Variants in ASTN1 observed in about 807,000 individuals in gnomAD.
The protein encoded by ASTN1 is astrotactin-1.
A neutral mutation model predicts 140.7 loss-of-function variants in ASTN1; 41 were observed. That is an observed-to-expected ratio of 0.29 (90% CI 0.23 to 0.38). The LOEUF is 0.38. Ranked by LOEUF, ASTN1 falls within the 10% of genes least tolerant of loss-of-function variation. The pLI is 1.00. For missense variants in ASTN1, 1,479 were observed against 1,678.8 expected (o/e 0.88, Z 2.08); for synonymous variants, 640 against 652.2 (o/e 0.98, Z 0.29).
chr1:176,866,208 G>A (rs899530869), intron 22 of ASTN1, among the ~76,000 whole-genome samples: 13 of 152,196 alleles, frequency 8.5e-5, no homozygotes, highest in African/African-American at 3.1e-4. Context: ...GCTGGGAGAA[G>A]GGCAGAGATT....
intron 8 of ASTN1, among the ~76,000 whole-genome samples, chr1:176,994,138 T>C (rs1674326776): frequency 7.5e-6 from 1 of 134,112 alleles, no homozygotes; most frequent in African/African-American, 2.8e-5. Context: ...ACTAAGAGAC[T>C]GGAAAGAAAA....
chr1:177,032,607 G>T lies in ASTN1; in HGVS notation c.714C>A (p.Ile238=). 1.2e-6 allele frequency: 2 copies of T among 1,614,194 alleles called. No individual in the cohort carries two copies. Among genetic ancestry groups the T allele is most frequent in the Non-Finnish European group, 1.7e-6 (2 of 1,180,028 alleles). ...SGTLSIRETP[I]LDGYEYDITD... ...TGATGTCATACTCATAGCCGTCCAG[G>T]ATAGGTGTCTCCCGGATGCTCAGGG... The change falls in exon 3 of 23, where the codon ATC becomes ATA. Residue 238 remains isoleucine, a synonymous_variant. Coordinates refer to ENST00000361833, the MANE Select transcript of ASTN1 (RefSeq NM_004319.3).
intron 1 of ASTN1, among the ~76,000 whole-genome samples, chr1:177,072,947 A>G (rs1235865089): frequency 6.6e-6 from 1 of 152,130 alleles, no homozygotes; most frequent in Non-Finnish European, 1.5e-5. Context: ...GTTTTGCAAA[A>G]TGAAAAAAAA....
Position 176,984,039 on chromosome 1 carries a change from G to A in ASTN1, c.1524-18802C>T, listed in dbSNP as rs138745672. Among the ~76,000 whole-genome samples, 581 of 152,294 alleles carry A rather than the reference G, an allele frequency of 3.8e-3. 5 individuals carry two copies. The highest frequency in any genetic ancestry group is 0.014 in the Middle Eastern group (4 of 294). ...AGCCGACTGCAAGAGGAGACTTCAG[G>A]AAGTCCAGTGATTGTAACAGCCCAG... is the stretch of plus-strand genomic sequence containing the variant. On this transcript the variant is annotated intron_variant, in intron 8 of 22. Coordinates refer to ENST00000361833, the MANE Select transcript of ASTN1 (RefSeq NM_004319.3).
At chr1:176,935,034 C>G (rs1414657631) in intron 15 of ASTN1, among the ~76,000 whole-genome samples, 1 of 152,178 alleles carries the variant, frequency 6.6e-6, no homozygotes, top group African/African-American at 2.4e-5. Flanking sequence ...CTCCCCCAAC[C>G]CTGCAGGCAA....
chr1:177,074,380 T>G (rs1465670524), intron 1 of ASTN1, among the ~76,000 whole-genome samples: 1 of 152,150 alleles, frequency 6.6e-6, no homozygotes, highest in Non-Finnish European at 1.5e-5. Flanking sequence ...TAACTTACCA[T>G]TTTTTCAAAA....
chr1:176,902,958 A>C (rs1243942241), intron 16 of ASTN1, among the ~76,000 whole-genome samples: 2 of 152,230 alleles, frequency 1.3e-5, no homozygotes, highest in Non-Finnish European at 2.9e-5. Flanking sequence ...GAAGTCTTCT[A>C]ATCAGCTAGA....
intron 4 of ASTN1, 108 bp downstream of exon 4, chr1:177,030,698 C>A: frequency 1.4e-6 from 2 of 1,464,104 alleles, no homozygotes; most frequent in African/African-American, 1.4e-5. Context: ...TGTGCCAGGG[C>A]ATACCCTCTC....
chr1:176,923,175 A>G (rs731298), intron 16 of ASTN1, among the ~76,000 whole-genome samples: 32,473 of 152,110 alleles, frequency 0.21, 3,595 homozygotes, highest in African/African-American at 0.28. Flanking sequence ...AATATCAACC[A>G]AGTTAACCTA....
At position 176,894,475 on chromosome 1, in the gene ASTN1, A is replaced by T. The variant is rs1358083318; in HGVS notation, c.2940+87T>A. The T allele has an allele frequency of 5.9e-6, 9 of 1,518,054 alleles. No homozygotes were observed. The East Asian group carries it at 1.6e-4, about 27-fold the overall frequency. The allele number at this position is 1,518,054 out of a possible 1,614,324, so 94.0% of individuals were successfully genotyped here. A position where few individuals can be genotyped will look rare whatever the true frequency, so the allele number is the denominator to read the frequency against. ...TATCCATATTCTAGCATGGCCCTCA[A>T]CCACACCCTGTCACTTCCTCACACC... On this transcript the variant is annotated intron_variant, in intron 17 of 22. Transcript: ENST00000361833.
At chr1:176,977,694 A>G (rs1219312123) in intron 8 of ASTN1, among the ~76,000 whole-genome samples, 6 of 152,252 alleles carry the variant, frequency 3.9e-5, no homozygotes, top group Non-Finnish European at 1.5e-5. Flanking sequence ...CACAGCTGTT[A>G]TATTAGTCTT....
intron 16 of ASTN1, among the ~76,000 whole-genome samples, chr1:176,904,400 G>C (rs1669898360): frequency 6.6e-6 from 1 of 152,200 alleles, no homozygotes; most frequent in Non-Finnish European, 1.5e-5. Flanking sequence ...CGGAGTCACA[G>C]CTCCGGGATG....
At chr1:177,029,586 C>G (rs768369913) in intron 5 of ASTN1, 48 bp downstream of exon 5, 1 of 1,579,296 alleles carries the variant, frequency 6.3e-7, no homozygotes, top group Non-Finnish European at 8.7e-7. Context: ...CCCCGCCTCC[C>G]TCACTCCCAG....
chr1:176,864,062 A>T lies in ASTN1; in HGVS notation c.*222T>A. On this transcript the variant is annotated 3_prime_UTR_variant, in exon 23 of 23. Coordinates refer to ENST00000361833, the MANE Select transcript of ASTN1 (RefSeq NM_004319.3). ...AAGTAATCCTCTAAAGAAATATGGC[A>T]CTGCATGAAGCCACTGGCTGGCAGA... 1 of 1,376,242 alleles carries T rather than the reference A, an allele frequency of 7.3e-7. No homozygotes were observed. The highest frequency in any genetic ancestry group is 9.4e-7 in the Non-Finnish European group (1 of 1,065,780). 85.3% of individuals were successfully genotyped at this position (1,376,242 alleles called of 1,614,324 possible).
intron 8 of ASTN1, among the ~76,000 whole-genome samples, chr1:177,003,298 C>A (rs1202463720): frequency 6.6e-6 from 1 of 150,470 alleles, no homozygotes; most frequent in Non-Finnish European, 1.5e-5. Flanking sequence ...TCACCATAGT[C>A]GAATGAGTTT....
intron 11 of ASTN1, among the ~76,000 whole-genome samples, chr1:176,950,151 G>A (rs1251697040): frequency 6.6e-6 from 1 of 152,232 alleles, no homozygotes; most frequent in Non-Finnish European, 1.5e-5. Context: ...AGGACTTGGT[G>A]AGCAATTACA....
intron 3 of ASTN1, among the ~76,000 whole-genome samples, chr1:177,031,299 A>G (rs891015710): frequency 3.9e-5 from 6 of 152,318 alleles, no homozygotes; most frequent in Admixed American, 3.9e-4. Context: ...AGAGTTTTAA[A>G]AGAATTTGAA....
At chr1:176,874,750 T>G (rs2103018039) in intron 21 of ASTN1, among the ~76,000 whole-genome samples, 1 of 152,308 alleles carries the variant, frequency 6.6e-6, no homozygotes, top group Non-Finnish European at 1.5e-5. Flanking sequence ...TTTAAATTAA[T>G]TAAGTCATTC....
chr1:177,032,346 A>T (rs1463919168), intron 3 of ASTN1, 110 bp downstream of exon 3: 19 of 1,418,212 alleles, frequency 1.3e-5, no homozygotes, highest in Non-Finnish European at 1.2e-5. Context: ...GGGCACTGCC[A>T]CATCACACTA....
Sources: allele counts gnomAD v4.1 joint callset (sites outside exome capture counted in the v4.1 genomes callset), GRCh38; gene constraint gnomAD v4.1.1; transcripts MANE v1.5; gene names NCBI Gene and HGNC (gene_info 2026-07-23, HGNC 2026-07-21).